GPSM2: variants seen among roughly 807,000 people sequenced by gnomAD.
GPSM2 encodes the protein G protein-signaling modulator 2.
GPSM2 carries 58 observed loss-of-function variants against 78.4 expected under a neutral mutation model. That is an observed-to-expected ratio of 0.74 (90% confidence interval 0.60 to 0.92). The LOEUF (loss-of-function observed/expected upper bound fraction) is 0.92, where lower values mean the gene tolerates loss of function less well. Ranked by LOEUF, GPSM2 falls within the 40% of genes least tolerant of loss-of-function variation. GPSM2 has a pLI of 0.00. For synonymous variants in GPSM2, 224 were observed against 280.2 expected (o/e 0.80, Z 2.00); for missense variants, 700 against 815.5 (o/e 0.86, Z 1.73).
intron 10 of GPSM2, among the ~76,000 whole-genome samples, chr1:108,910,745 C>T (rs1486751417): frequency 1.3e-5 from 2 of 151,946 alleles, no homozygotes; most frequent in African/African-American, 4.8e-5. Flanking sequence ...TGCCTGGAAT[C>T]CCAGCTACTC....
intron 2 of GPSM2, among the ~76,000 whole-genome samples, chr1:108,888,489 AGC>A (rs1647738958): frequency 2.6e-5 from 4 of 152,200 alleles, no homozygotes; most frequent in Admixed American, 2.0e-4. Flanking sequence ...CTGGGACTAC[AGC>A]TATGCCTGGC....
chr1:108,903,016 A>C, intron 8 of GPSM2, 110 bp from the exon 9 acceptor site: 1 of 707,984 alleles, frequency 1.4e-6, no homozygotes, highest in Non-Finnish European at 2.5e-6. Flanking sequence ...ATGAAAGACC[A>C]AATCAATCCA....
At chr1:108,898,847 T>C (rs1648573444) in intron 6 of GPSM2, 32 bp from the exon 7 acceptor site, 1 of 1,595,038 alleles carries the variant, frequency 6.3e-7, no homozygotes. Context: ...AGTTTTATTT[T>C]ATCTACATCT....
chr1:108,916,206 C>T (rs776611749), intron 11 of GPSM2, among the ~76,000 whole-genome samples: 2 of 151,604 alleles, frequency 1.3e-5, no homozygotes, highest in Non-Finnish European at 2.9e-5. Context: ...TTGCAATAAG[C>T]CATGATTGTG....
intron 2 of GPSM2, among the ~76,000 whole-genome samples, chr1:108,891,137 G>T (rs1162010917): frequency 2.0e-5 from 3 of 152,124 alleles, no homozygotes; most frequent in Non-Finnish European, 4.4e-5. Flanking sequence ...GATACATTGG[G>T]TTTGTTACAC....
chr1:108,913,683 G>A (rs902259821), intron 10 of GPSM2, among the ~76,000 whole-genome samples: 3 of 152,158 alleles, frequency 2.0e-5, no homozygotes, highest in Non-Finnish European at 2.9e-5. Context: ...AGTTATACAA[G>A]GGGAGTTTAA....
intron 2 of GPSM2, among the ~76,000 whole-genome samples, chr1:108,886,366 G>T (rs1369876297): frequency 6.6e-6 from 1 of 152,196 alleles, no homozygotes; most frequent in Admixed American, 6.5e-5. Context: ...TTGTTTTGCT[G>T]ATTTAATACT....
In GPSM2 at chr1:108,923,800, G is replaced by A. The variant is rs575829568; in HGVS notation, c.1601-200G>A. On this transcript the variant is annotated intron_variant, in intron 13 of 14. Transcript: ENST00000264126. ...AGTGGGTCATCTGAAGTACTCTGGG[G>A]CTCATTCTTCCCTCCAGCCAATAAA... 2.6e-5 allele frequency among the ~76,000 whole-genome samples: 4 copies of A among 152,266 alleles called. No homozygotes were observed. In the South Asian group the frequency reaches 8.3e-4, roughly 32 times the overall value.
chr1:108,924,668 G>GT (rs1650993243), intron 14 of GPSM2, among the ~76,000 whole-genome samples: 1 of 152,142 alleles, frequency 6.6e-6, no homozygotes, highest in African/African-American at 2.4e-5. Flanking sequence ...TCTAGAGAAA[G>GT]AGTATTCCAT....
intron 14 of GPSM2, among the ~76,000 whole-genome samples, chr1:108,925,967 C>T (rs1042013452): frequency 2.0e-5 from 3 of 151,642 alleles, no homozygotes; most frequent in African/African-American, 7.3e-5. Context: ...AAGCAGAGTA[C>T]GGATTTGGAG....
At chr1:108,929,207 T>C (rs1651455699) in intron 14 of GPSM2, among the ~76,000 whole-genome samples, 1 of 152,094 alleles carries the variant, frequency 6.6e-6, no homozygotes, top group Non-Finnish European at 1.5e-5. Flanking sequence ...AAAATGAAAA[T>C]GACTTCATTT....
chr1:108,924,181 T>C lies in GPSM2; in HGVS notation c.1782T>C (p.Asp594=). ...TGACTAATGACAACAAAGAGGCTGATGAAGATTTCTTTGACATCCTTGTAA... is the reference window on the plus strand; with the variant it reads ...TGACTAATGACAACAAAGAGGCTGACGAAGATTTCTTTGACATCCTTGTAA... ...HLMTNDNKEA[D]EDFFDILVKC... The change falls in exon 14 of 15, where the codon GAT becomes GAC. Residue 594 remains aspartate (D), a synonymous_variant. Transcript: ENST00000264126. The C allele has an allele frequency of 2.5e-6, 4 of 1,613,410 alleles. No individual in the cohort carries two copies. Among genetic ancestry groups the C allele is most frequent in the Non-Finnish European group, 3.4e-6 (4 of 1,179,350 alleles).
chr1:108,887,891 A>G (rs2101344277), intron 2 of GPSM2, among the ~76,000 whole-genome samples: 1 of 152,348 alleles, frequency 6.6e-6, no homozygotes, highest in East Asian at 1.9e-4. Flanking sequence ...ATTTAGTGTT[A>G]AATATTAATG....
intron 12 of GPSM2, among the ~76,000 whole-genome samples, chr1:108,922,004 A>AT (rs1357998450): frequency 6.7e-6 from 1 of 149,626 alleles, no homozygotes; most frequent in Non-Finnish European, 1.5e-5. Flanking sequence ...AAATCTAAGT[A>AT]TAAAAAAAAG....
At chr1:108,914,260 A>C in intron 10 of GPSM2, 78 bp from the exon 11 acceptor site, 1 of 933,136 alleles carries the variant, frequency 1.1e-6, no homozygotes, top group Non-Finnish European at 1.8e-6. Context: ...AGATTTTAGA[A>C]CTGAATAATG....
At chr1:108,897,340 TTAAAG>T (rs1412946494) in intron 3 of GPSM2, 147 bp from the exon 4 acceptor site, 1 of 733,494 alleles carries the variant, frequency 1.4e-6, no homozygotes, top group African/African-American at 1.8e-5. Flanking sequence ...AAATATTTAT[TTAAAG>T]TAGGTTTCAA....
At chr1:108,911,580 C>G (rs1649746025) in intron 10 of GPSM2, among the ~76,000 whole-genome samples, 1 of 152,076 alleles carries the variant, frequency 6.6e-6, no homozygotes, top group African/African-American at 2.4e-5. Context: ...TGAAGAAGGT[C>G]ACTTTACGGT....
chr1:108,923,304 T>C (rs373175357), intron 13 of GPSM2, among the ~76,000 whole-genome samples: 110 of 152,268 alleles, frequency 7.2e-4, no homozygotes, highest in African/African-American at 2.5e-3. Flanking sequence ...AAAGTGCTGG[T>C]ATTCCAGGCA....
At chr1:108,893,711 T>C (rs528593377) in intron 2 of GPSM2, among the ~76,000 whole-genome samples, 8 of 152,188 alleles carry the variant, frequency 5.3e-5, no homozygotes, top group Non-Finnish European at 1.2e-4. Flanking sequence ...TTTTGACAAA[T>C]AAAGACAACC....
Sources: allele counts gnomAD v4.1 joint callset (sites outside exome capture counted in the v4.1 genomes callset), GRCh38; gene constraint gnomAD v4.1.1; transcripts MANE v1.5; gene names NCBI Gene and HGNC (gene_info 2026-07-23, HGNC 2026-07-21).